The following SRSF11 variants were observed in gnomAD, a reference collection of about 807,000 sequenced individuals.
The protein encoded by SRSF11 is serine and arginine rich splicing factor 11.
SRSF11 carries 9 observed loss-of-function variants against 56.0 expected under a neutral mutation model. The observed-to-expected ratio is 0.16, with a 90% CI of 0.10 to 0.28. The LOEUF (loss-of-function observed/expected upper bound fraction) is 0.28. SRSF11 is among the 10% of genes least tolerant of loss of function. The pLI is 1.00. For synonymous variants in SRSF11, 222 were observed against 215.3 expected, an observed-to-expected ratio of 1.03 and a Z score of -0.27; for missense variants, 421 against 600.7, an observed-to-expected ratio of 0.70 and a Z score of 3.13.
At chr1:70,247,624 G>C (rs1020906567) in intron 9 of SRSF11, among the ~76,000 whole-genome samples, 3 of 152,020 alleles carry the variant, frequency 2.0e-5, no homozygotes, top group Non-Finnish European at 2.9e-5. Context: ...AAACAAAAGT[G>C]AATCTTTAAG....
chr1:70,228,758 C>T, intron 2 of SRSF11: 8 of 1,236,536 alleles, frequency 6.5e-6, no homozygotes, highest in Non-Finnish European at 8.1e-6. Context: ...AAGGTATTTA[C>T]CTTTTGTTTT....
At chr1:70,208,753 ATCAACT>A (rs1470288566) in intron 1 of SRSF11, among the ~76,000 whole-genome samples, 1 of 152,244 alleles carries the variant, frequency 6.6e-6, no homozygotes, top group Non-Finnish European at 1.5e-5. Context: ...CTGAAAGCTA[ATCAACT>A]TCAACTGAGC....
At position 70,251,182 on chromosome 1, in the gene SRSF11, C is replaced by G. The variant is rs1677900715; in HGVS notation, c.*377C>G. The stretch of plus-strand genomic sequence containing the variant: ...AATTTGATTCATTGCCGTAATAGAG[C>G]CATGTAGGAAATGCACTGATTGCAT... On this transcript the variant is annotated 3_prime_UTR_variant, in exon 12 of 12. Transcript: ENST00000370949. The G allele has an allele frequency of 5.6e-6, 1 of 178,032 alleles. No individual in the cohort carries two copies. 11.0% of individuals were successfully genotyped at this position (178,032 alleles called of 1,614,324 possible).
intron 1 of SRSF11, among the ~76,000 whole-genome samples, chr1:70,223,922 G>C (rs142477959): frequency 8.5e-5 from 13 of 152,212 alleles, no homozygotes; most frequent in Non-Finnish European, 1.8e-4. Flanking sequence ...TATCTACACA[G>C]TTGGCCTTCT....
At chr1:70,239,336 C>T in intron 6 of SRSF11, 103 bp from the exon 7 acceptor site, 8 of 738,730 alleles carry the variant, frequency 1.1e-5, no homozygotes, top group Non-Finnish European at 1.8e-5. Context: ...AAGTGTTGCT[C>T]CCACTTCAGC....
At chr1:70,221,118 GAA>G (rs1335223180), upstream of SRSF11, 1 of 152,950 alleles carries the variant, frequency 6.5e-6, no homozygotes, top group Non-Finnish European at 1.4e-5. Context: ...TATTTAATAA[GAA>G]GAGTTGCTGA....
intron 5 of SRSF11, 83 bp downstream of exon 5, chr1:70,235,633 A>G: frequency 1.6e-6 from 2 of 1,268,692 alleles, no homozygotes; most frequent in African/African-American, 1.5e-5. Flanking sequence ...GCTTATAAGA[A>G]AGTTATCAAG....
rs1256700319 is a variant in SRSF11, at chr1:70,221,783, G to T, written c.147G>T (p.Met49Ile). Reference protein sequence around the residue: ...NVSPSASSEQMRTLFGFLGKI... With the variant: ...NVSPSASSEQIRTLFGFLGKI... Reference sequence around the variant, plus strand: ...CCCCGAGCGCTAGCTCTGAGCAGATGCGGACTCTCTTCGGTTTCCTAGGCA... The same window carrying T: ...CCCCGAGCGCTAGCTCTGAGCAGATTCGGACTCTCTTCGGTTTCCTAGGCA... The change falls in exon 1 of 12, where the codon ATG becomes ATT. Residue 49 changes from methionine to isoleucine, a missense_variant. By Grantham distance (10) the Met-to-Ile change is conservative. Coordinates refer to ENST00000370949, the MANE Select transcript of SRSF11 (RefSeq NM_001350605.2). 1 of 1,614,050 alleles carries T rather than the reference G, an allele frequency of 6.2e-7. No individual in the cohort carries two copies.
At chr1:70,245,664 A>T (rs1222954120) in intron 8 of SRSF11, among the ~76,000 whole-genome samples, 1 of 152,218 alleles carries the variant, frequency 6.6e-6, no homozygotes, top group Non-Finnish European at 1.5e-5. Flanking sequence ...AGATTTGACT[A>T]GACTCAACGG....
chr1:70,224,588 C>T (rs893394721), intron 1 of SRSF11, among the ~76,000 whole-genome samples: 1 of 152,180 alleles, frequency 6.6e-6, no homozygotes, highest in Admixed American at 6.5e-5. Context: ...TTTGGGGAAA[C>T]ATTTCTGGGA....
chr1:70,240,770 CTTTTTTTT>C (rs72113966), intron 7 of SRSF11, among the ~76,000 whole-genome samples: 1 of 109,912 alleles, frequency 9.1e-6, no homozygotes, highest in East Asian at 3.0e-4. Context: ...CATCACTGGA[CTTTTTTTT>C]TTTTTTTTTT....
At chr1:70,220,175 T>C (rs1465392063), upstream of SRSF11, among the ~76,000 whole-genome samples, 1 of 152,226 alleles carries the variant, frequency 6.6e-6, no homozygotes, top group Non-Finnish European at 1.5e-5. Flanking sequence ...TACATGTATC[T>C]TCTGTTACTT....
chr1:70,230,885 G>C, intron 2 of SRSF11: 3 of 1,177,754 alleles, frequency 2.5e-6, no homozygotes, highest in Non-Finnish European at 3.2e-6. Context: ...TGTTAATATT[G>C]ATGCATTACT....
In SRSF11 at chr1:70,207,011, C is replaced by T. The variant is rs571392438; in HGVS notation, c.-26+1231C>T. On this transcript the variant is annotated intron_variant, in intron 1 of 12. Coordinates refer to the SRSF11 transcript ENST00000370950. ...GTTCAAGTGATTCTCCTGCCTCAGC[C>T]TCTCCAGTAGCTGGGATTATAGCCG... Among the ~76,000 whole-genome samples the T allele has an allele frequency of 2.0e-5, 3 of 151,790 alleles. No homozygotes were observed. The South Asian group carries it at 6.3e-4, about 32-fold the overall frequency.
intron 5 of SRSF11, among the ~76,000 whole-genome samples, chr1:70,236,178 C>G (rs1211676632): frequency 6.6e-6 from 1 of 151,930 alleles, no homozygotes; most frequent in Non-Finnish European, 1.5e-5. Context: ...AAAATAAAAC[C>G]AAGCATGTAC....
At chr1:70,231,924 G>C (rs1385716418) in intron 2 of SRSF11, 1 of 1,529,274 alleles carries the variant, frequency 6.5e-7, no homozygotes, top group Admixed American at 2.0e-5. Context: ...CACCCCTGGA[G>C]AACCGACTGT....
intron 9 of SRSF11, among the ~76,000 whole-genome samples, chr1:70,247,904 C>T (rs1047060549): frequency 6.6e-6 from 1 of 152,036 alleles, no homozygotes; most frequent in African/African-American, 2.4e-5. Context: ...CTAGTAAGTA[C>T]ATAAAATCTG....
intron 1 of SRSF11, among the ~76,000 whole-genome samples, chr1:70,224,692 T>C (rs1296746805): frequency 6.6e-6 from 1 of 152,208 alleles, no homozygotes; most frequent in African/African-American, 2.4e-5. Context: ...TAAACCAGAA[T>C]TTCTGGCCTG....
At chr1:70,237,614 G>A (rs1353889014) in intron 6 of SRSF11, 62 bp downstream of exon 6, 17 of 1,595,222 alleles carry the variant, frequency 1.1e-5, no homozygotes, top group Non-Finnish European at 1.5e-5. Context: ...TGACATAAAT[G>A]TGGAATTGTG....
Sources: gnomAD v4.1 joint callset for allele counts (sites outside exome capture counted in the v4.1 genomes callset) on GRCh38, gnomAD v4.1.1 for gene constraint, MANE v1.5 for transcripts, NCBI Gene and HGNC (gene_info 2026-07-23, HGNC 2026-07-21) for gene names.